The following PARVA variants were observed in gnomAD, a reference collection of about 807,000 sequenced individuals.
PARVA encodes the protein parvin alpha.
In PARVA, 25 loss-of-function variants were observed where a neutral mutation model predicts 52.6. The ratio of observed to expected loss-of-function variants is 0.48; its 90% confidence interval spans 0.35 to 0.66. The LOEUF (loss-of-function observed/expected upper bound fraction) is 0.66. Ranked by LOEUF, PARVA falls within the 30% of genes least tolerant of loss-of-function variation. The probability of loss-of-function intolerance (pLI) is 0.01; values close to 1 mark genes in which losing one functional copy is unlikely to be tolerated. For synonymous variants in PARVA, 185 were observed against 179.1 expected, an observed-to-expected ratio of 1.03 and a Z score of -0.26; for missense variants, 373 against 450.9, an observed-to-expected ratio of 0.83 and a Z score of 1.56.
chr11:12,433,031 C>T (rs1940336727), intron 1 of PARVA, among the ~76,000 whole-genome samples: 1 of 152,098 alleles, frequency 6.6e-6, no homozygotes, highest in African/African-American at 2.4e-5. Flanking sequence ...CGTTTTAATA[C>T]CCATAGAAGA....
At chr11:12,493,408 G>C (rs7949191) in intron 4 of PARVA, among the ~76,000 whole-genome samples, 4,988 of 149,946 alleles carry the variant, frequency 0.033, 185 homozygotes, top group East Asian at 0.12. Flanking sequence ...GGATTACTTC[G>C]ATATATTTTT....
intron 1 of PARVA, among the ~76,000 whole-genome samples, chr11:12,385,522 C>G (rs1589936624): frequency 6.6e-6 from 1 of 152,060 alleles, no homozygotes; most frequent in Admixed American, 6.6e-5. Flanking sequence ...TTGGTCTGGG[C>G]AACTAAAAAG....
chr11:12,528,126 G>T lies in PARVA; in HGVS notation c.*201G>T, dbSNP rs927649835. On this transcript the variant is annotated 3_prime_UTR_variant, in exon 13 of 13. Coordinates refer to ENST00000334956, the MANE Select transcript of PARVA (RefSeq NM_018222.5). ...GTGGGCTGACCCATCCCTCCCAGGCGCTGGGGACCAACCTAGCAATGAAGG... is the reference window on the plus strand; with the variant it reads ...GTGGGCTGACCCATCCCTCCCAGGCTCTGGGGACCAACCTAGCAATGAAGG... The T allele has an allele frequency of 5.3e-6, 3 of 566,518 alleles. No homozygotes were observed. Among genetic ancestry groups the T allele is most frequent in the Middle Eastern group, 4.7e-4 (1 of 2,146 alleles). 35.1% of individuals were successfully genotyped at this position (566,518 alleles called of 1,614,324 possible).
chr11:12,424,181 A>G (rs370490626), intron 1 of PARVA, among the ~76,000 whole-genome samples: 85 of 152,092 alleles, frequency 5.6e-4, no homozygotes, highest in African/African-American at 2.0e-3. Flanking sequence ...AAATTCTCAG[A>G]TGTTCTTTAA....
rs865957954 is a variant in PARVA at position 12,489,741 on chromosome 11, A to G, written c.401-6717A>G. On this transcript the variant is annotated intron_variant, in intron 4 of 12. Coordinates refer to ENST00000334956, the MANE Select transcript of PARVA (RefSeq NM_018222.5). Reference sequence around the variant, plus strand: ...AATGATTAAAAGCATAGAGGAAAAAATCAATTATTTATAAAGGAACAACAG... The same window carrying G: ...AATGATTAAAAGCATAGAGGAAAAAGTCAATTATTTATAAAGGAACAACAG... Among the ~76,000 whole-genome samples, 162 of 152,346 alleles carry G rather than the reference A, an allele frequency of 1.1e-3. 1 individual carries two copies. The highest frequency in any genetic ancestry group is 3.6e-3 in the African/African-American group (151 of 41,588).
chr11:12,435,327 G>T (rs1200953275), intron 1 of PARVA, among the ~76,000 whole-genome samples: 2 of 151,984 alleles, frequency 1.3e-5, no homozygotes, highest in African/African-American at 2.4e-5. Flanking sequence ...CCCTTCTCCT[G>T]TCACTCCAGC....
At chr11:12,406,659 C>CTTTTTTTTTTTTTTT (rs1939912566) in intron 1 of PARVA, among the ~76,000 whole-genome samples, 2 of 98,778 alleles carry the variant, frequency 2.0e-5, no homozygotes, top group African/African-American at 4.1e-5. Flanking sequence ...TAGGTTGTAT[C>CTTTTTTTTTTTTTTT]TGTTTTTTTT....
chr11:12,451,683 T>A (rs942866964), intron 1 of PARVA, among the ~76,000 whole-genome samples: 3 of 152,222 alleles, frequency 2.0e-5, no homozygotes, highest in African/African-American at 7.2e-5. Context: ...CTCTTTTACA[T>A]ACTCTAATGC....
chr11:12,484,504 GGTGTGTGTGTGTGTGTGTGTGTGTGTGT>G lies in PARVA; in HGVS notation c.400+6573_400+6600del, dbSNP rs35501237. 6.3e-4 allele frequency among the ~76,000 whole-genome samples: 91 copies of G among 144,700 alleles called. No individual in the cohort carries two copies. The East Asian group carries it at 0.013, about 21-fold the overall frequency. The allele number at this position is 144,700 out of a possible 152,430, so 94.9% of individuals were successfully genotyped here. On this transcript the variant is annotated intron_variant, in intron 4 of 12. Coordinates refer to ENST00000334956, the MANE Select transcript of PARVA (RefSeq NM_018222.5). ...TTCTGCAGGAGGGTGGTTTTGTTTT[GGTGTGTGTGTGTGTGTGTGTGTGTGTGT>G]GTGTGTGTGTGTGTGTGGTTTTCTT...
chr11:12,450,470 C>A (rs1940607414), intron 1 of PARVA, among the ~76,000 whole-genome samples: 1 of 152,124 alleles, frequency 6.6e-6, no homozygotes, highest in Non-Finnish European at 1.5e-5. Context: ...ACTACATATG[C>A]TAAGTGATTA....
intron 2 of PARVA, 26 bp downstream of exon 2, chr11:12,473,860 C>T (rs904643071): frequency 6.4e-6 from 10 of 1,562,680 alleles, no homozygotes; most frequent in African/African-American, 1.4e-5. Flanking sequence ...TCTCTGAATT[C>T]GCTTAAGCTT....
intron 1 of PARVA, among the ~76,000 whole-genome samples, chr11:12,411,572 C>T (rs1169198557): frequency 5.9e-5 from 9 of 152,186 alleles, no homozygotes; most frequent in Admixed American, 5.9e-4. Flanking sequence ...AGCTTTTTTA[C>T]TTTCCTTGTT....
intron 1 of PARVA, among the ~76,000 whole-genome samples, chr11:12,469,118 A>G (rs567302377): frequency 2.6e-5 from 4 of 152,192 alleles, no homozygotes; most frequent in Non-Finnish European, 5.9e-5. Flanking sequence ...TACCCTTGTT[A>G]TGTACAGAAT....
chr11:12,449,500 C>G (rs1265327038), intron 1 of PARVA, among the ~76,000 whole-genome samples: 3 of 152,196 alleles, frequency 2.0e-5, no homozygotes, highest in Admixed American at 2.0e-4. Flanking sequence ...ATTTAAGGCT[C>G]TGTCTTCTAA....
chr11:12,515,474 A>G (rs1403285027), intron 10 of PARVA, among the ~76,000 whole-genome samples: 1 of 152,222 alleles, frequency 6.6e-6, no homozygotes, highest in South Asian at 2.1e-4. Context: ...TCCGTTTTCA[A>G]GGGCAGGGAG....
chr11:12,410,205 G>A (rs1939974398), intron 1 of PARVA, among the ~76,000 whole-genome samples: 1 of 152,236 alleles, frequency 6.6e-6, no homozygotes, highest in Admixed American at 6.5e-5. Flanking sequence ...AGGCCCCCGG[G>A]ACTGCAGGGC....
chr11:12,505,361 C>T (rs938517333), intron 6 of PARVA, among the ~76,000 whole-genome samples: 1 of 152,130 alleles, frequency 6.6e-6, no homozygotes, highest in African/African-American at 2.4e-5. Context: ...CAGACCAGGC[C>T]AGTTTCCAAG....
At chr11:12,475,726 T>C (rs900447066) in intron 3 of PARVA, among the ~76,000 whole-genome samples, 6 of 151,968 alleles carry the variant, frequency 3.9e-5, no homozygotes, top group African/African-American at 1.2e-4. Flanking sequence ...GACCCCAGAG[T>C]TTAAGAGAAA....
chr11:12,403,088 G>A (rs954557144), intron 1 of PARVA, among the ~76,000 whole-genome samples: 1 of 152,180 alleles, frequency 6.6e-6, no homozygotes, highest in Non-Finnish European at 1.5e-5. Flanking sequence ...CCCCACAGGG[G>A]CCAGCACAGG....
Sources: allele counts gnomAD v4.1 joint callset (sites outside exome capture counted in the v4.1 genomes callset), GRCh38; gene constraint gnomAD v4.1.1; transcripts MANE v1.5; gene names NCBI Gene and HGNC (gene_info 2026-07-23, HGNC 2026-07-21).